The following VAV2 variants were observed in gnomAD, a reference collection of about 807,000 sequenced individuals.
VAV2 encodes guanine nucleotide exchange factor VAV2.
VAV2 carries 67 observed loss-of-function variants against 132.5 expected under a neutral mutation model. The observed-to-expected ratio is 0.51, with a 90% CI of 0.42 to 0.62. The LOEUF is 0.62. Ranked by LOEUF, VAV2 falls within the 20% of genes least tolerant of loss-of-function variation. VAV2 has a pLI of 0.00. For missense variants in VAV2, 938 were observed against 1,153.6 expected (o/e 0.81, Z 2.71); for synonymous variants, 492 against 443.5 (o/e 1.11, Z -1.37).
chr9:133,910,021 G>T (rs643413), intron 2 of VAV2, among the ~76,000 whole-genome samples: 1 of 151,996 alleles, frequency 6.6e-6, no homozygotes, highest in African/African-American at 2.4e-5. Flanking sequence ...AGCTATGCCA[G>T]GCCATGTGAC....
intron 2 of VAV2, among the ~76,000 whole-genome samples, chr9:133,886,784 G>A (rs1308216855): frequency 1.3e-5 from 2 of 152,254 alleles, no homozygotes; most frequent in Non-Finnish European, 2.9e-5. Flanking sequence ...TCTGTTACCA[G>A]GAGAGCAGGT....
intron 1 of VAV2, among the ~76,000 whole-genome samples, chr9:133,986,764 T>A (rs1446763599): frequency 1.3e-5 from 2 of 152,148 alleles, no homozygotes; most frequent in African/African-American, 4.8e-5. Context: ...CCTCCTCTGC[T>A]CCCGGCAGCC....
chr9:133,811,340 A>C (rs1835350866), intron 5 of VAV2, among the ~76,000 whole-genome samples: 2 of 152,218 alleles, frequency 1.3e-5, no homozygotes, highest in South Asian at 4.1e-4. Flanking sequence ...CTCCACCACC[A>C]GCTGGTTACT....
rs1838664737 is a variant in VAV2 at position 133,885,431 on chromosome 9, A to G, written c.322-23999T>C. On this transcript the variant is annotated intron_variant, in intron 2 of 29. Transcript: ENST00000371850. This position sits in a 1 kb window ranked among gnomAD's most constrained non-coding sequence, Gnocchi z 5.0. ...GTGTTTCTCAGAGCCCTCTCATTCC[A>G]AAACAAGTCTTGATCCAAGGGCACA... 6.6e-6 allele frequency among the ~76,000 whole-genome samples: 1 copy of G among 152,204 alleles called. No individual in the cohort carries two copies. The highest frequency in any genetic ancestry group is 1.5e-5 in the Non-Finnish European group (1 of 68,044).
chr9:133,789,458 C>T (rs45577039), intron 13 of VAV2, 115 bp from the exon 14 acceptor site: 36,469 of 972,740 alleles, frequency 0.037, 927 homozygotes, highest in African/African-American at 0.1. Context: ...GCAGCAGAGG[C>T]GGGACGAAGG....
intron 13 of VAV2, among the ~76,000 whole-genome samples, chr9:133,791,424 T>G (rs896610278): frequency 2.0e-5 from 3 of 152,126 alleles, no homozygotes; most frequent in Non-Finnish European, 4.4e-5. Flanking sequence ...GGGCGTCTCC[T>G]GCCCCTGGGA....
At chr9:133,808,958 GA>G in intron 7 of VAV2, 81 bp downstream of exon 7, 1 of 1,330,300 alleles carries the variant, frequency 7.5e-7, no homozygotes. Context: ...CCTGCCTCCG[GA>G]ATGCACTCCC....
chr9:133,910,018 C>T (rs12005023), intron 2 of VAV2, among the ~76,000 whole-genome samples: 6 of 151,958 alleles, frequency 3.9e-5, no homozygotes, highest in Admixed American at 2.0e-4. Flanking sequence ...ACGAGCTATG[C>T]CAGGCCATGT....
chr9:133,991,811 A>G lies in VAV2; in HGVS notation c.204+264T>C, dbSNP rs1210432288. Among the ~76,000 whole-genome samples, 5 of 150,868 alleles carry G rather than the reference A, an allele frequency of 3.3e-5. No homozygotes were observed. Among genetic ancestry groups the G allele is most frequent in the Admixed American group, 1.3e-4 (2 of 15,180 alleles). The stretch of plus-strand genomic sequence containing the variant: ...GCCTCCCCCATCCCAGGCCGCGCAG[A>G]CCGCGGAACCGGCGCACCAGAGCAG... On this transcript the variant is annotated intron_variant, in intron 1 of 29. Transcript: ENST00000371850. The surrounding 1 kb of genome is among the most constrained non-coding windows in gnomAD (Gnocchi z 4.8).
intron 1 of VAV2, among the ~76,000 whole-genome samples, chr9:133,973,100 A>T (rs1197332341): frequency 1.3e-5 from 2 of 152,012 alleles, no homozygotes; most frequent in Non-Finnish European, 2.9e-5. Context: ...GTACCAAGGC[A>T]GCGGGCAGTG....
chr9:133,880,036 A>G (rs1838424462), intron 2 of VAV2, among the ~76,000 whole-genome samples: 1 of 152,260 alleles, frequency 6.6e-6, no homozygotes, highest in Non-Finnish European at 1.5e-5. Flanking sequence ...GAGGACACGG[A>G]TAAGGACAAG....
At chr9:133,785,981 TGTGTATATGCATATGTGCACAG>T in intron 16 of VAV2, 96 bp from the exon 17 acceptor site, 1 of 1,085,160 alleles carries the variant, frequency 9.2e-7, no homozygotes, top group Non-Finnish European at 1.4e-6. Flanking sequence ...CATGTGCACG[TGTGTATATGCATATGTGCACAG>T]GTGCCTGTGC....
rs1834474437 is a variant in VAV2, at chr9:133,791,831, C to T, written c.1140G>A (p.Lys380=). Residue 380 remains lysine, a synonymous_variant, in exon 13 of 30, where the codon AAG becomes AAA. Coordinates refer to ENST00000371850, the MANE Select transcript of VAV2 (RefSeq NM_001134398.2). The part of the protein sequence containing the change: ...AMYINEVKRD[K]ETLRKISEFQ... ...ATTCGCTGATTTTCCTCAAGGTCTC[C>T]TTGTCCCGTTTAACTTCATTGATGT... The T allele has an allele frequency of 1.2e-6, 2 of 1,613,344 alleles. No homozygotes were observed. The highest frequency in any genetic ancestry group is 1.7e-6 in the Non-Finnish European group (2 of 1,179,762).
chr9:133,780,170 C>T (rs1461333991), intron 20 of VAV2: 2 of 568,412 alleles, frequency 3.5e-6, no homozygotes, highest in Non-Finnish European at 6.1e-6. Flanking sequence ...CTCTCTCCCA[C>T]TCCTTACCAC....
intron 16 of VAV2, 171 bp from the exon 17 acceptor site, chr9:133,786,056 C>A: frequency 1.5e-6 from 1 of 688,428 alleles, no homozygotes. Flanking sequence ...GCTCTCTTGC[C>A]CATGCTGTAC....
At chr9:133,968,429 A>C (rs1026543847) in intron 1 of VAV2, among the ~76,000 whole-genome samples, 4 of 152,182 alleles carry the variant, frequency 2.6e-5, no homozygotes, top group Non-Finnish European at 5.9e-5. Context: ...GGGGGGAAAA[A>C]CACCACCAAA....
At chr9:133,847,710 C>G (rs971048901) in intron 3 of VAV2, among the ~76,000 whole-genome samples, 5 of 152,170 alleles carry the variant, frequency 3.3e-5, no homozygotes, top group African/African-American at 1.2e-4. Flanking sequence ...CCTCTCTGAG[C>G]CTCAACTTCC....
Position 133,992,107 on chromosome 9 carries a change from T to C in VAV2, c.172A>G (p.Lys58Glu). 1 of 1,589,776 alleles carries C rather than the reference T, an allele frequency of 6.3e-7. No homozygotes were observed. The highest frequency in any genetic ancestry group is 8.6e-7 in the Non-Finnish European group (1 of 1,169,164). ...ATCTGCGGCCGGAAGTTGATGTCCT[T>C]GAGGTCGATGGAGCCGGGGGAGAGG... is the stretch of plus-strand genomic sequence containing the variant. Reference protein sequence around the residue: ...HNLSPGSIDLKDINFRPQMSQ... With the variant: ...HNLSPGSIDLEDINFRPQMSQ... The change falls in exon 1 of 30, where the codon AAG (lysine) becomes GAG (glutamate). Residue 58 changes from lysine (K) to glutamate (E), a missense_variant. Transcript: ENST00000371850. This position sits in a 1 kb window ranked among gnomAD's most constrained non-coding sequence, Gnocchi z 5.5.
rs533509319 is a variant in VAV2 at position 133,778,995 on chromosome 9, A to G, written c.1763-106T>C. The G allele has an allele frequency of 4.3e-5, 63 of 1,473,456 alleles. No homozygotes were observed. In the East Asian group the frequency reaches 9.9e-4, roughly 23 times the overall value. 91.3% of individuals were successfully genotyped at this position (1,473,456 alleles called of 1,614,324 possible). ...ATCACCAAGCTCGGCCTCCCCCAGCACACACAGCCTTGCGCCTGCATCTCC... is the reference window on the plus strand; with the variant it reads ...ATCACCAAGCTCGGCCTCCCCCAGCGCACACAGCCTTGCGCCTGCATCTCC... On this transcript the variant is annotated intron_variant, in intron 21 of 29. Coordinates refer to ENST00000371850, the MANE Select transcript of VAV2 (RefSeq NM_001134398.2).
Sources: gnomAD v4.1 joint callset for allele counts (sites outside exome capture counted in the v4.1 genomes callset) on GRCh38, gnomAD v4.1.1 for gene constraint, Gnocchi (gnomAD v3.1) non-coding constraint, MANE v1.5 for transcripts, NCBI Gene and HGNC (gene_info 2026-07-23, HGNC 2026-07-21) for gene names.